Variants in GART observed in about 807,000 individuals in gnomAD.
GART encodes the protein phosphoribosylglycinamide formyltransferase, phosphoribosylglycinamide synthetase, phosphoribosylaminoimidazole synthetase.
Under a neutral mutation model 107.2 loss-of-function variants are expected in GART, and 43 were observed. The ratio of observed to expected loss-of-function variants is 0.40; its 90% CI spans 0.31 to 0.52. GART has a LOEUF of 0.52. Among genes scored for constraint, GART ranks in the 20% least tolerant of loss-of-function variants. The pLI, the probability that GART is intolerant of heterozygous loss-of-function variation, is 0.52. For synonymous variants in GART, 434 were observed against 427.0 expected, an observed-to-expected ratio of 1.02 and a Z score of -0.20; for missense variants, 1,107 against 1,206.5, an observed-to-expected ratio of 0.92 and a Z score of 1.22.
intron 2 of GART, among the ~76,000 whole-genome samples, chr21:33,535,639 G>C (rs988864270): frequency 2.0e-5 from 3 of 152,086 alleles, no homozygotes; most frequent in African/African-American, 2.4e-5. Flanking sequence ...AACAAAAAAC[G>C]TAAGATATAC....
intron 7 of GART, among the ~76,000 whole-genome samples, chr21:33,530,400 C>T (rs549267816): frequency 2.6e-5 from 4 of 151,778 alleles, no homozygotes; most frequent in Admixed American, 6.6e-5. Context: ...ATTCATATCA[C>T]ACACACACAC....
intron 18 of GART, among the ~76,000 whole-genome samples, chr21:33,507,463 A>C (rs2084701755): frequency 6.6e-6 from 1 of 152,210 alleles, no homozygotes; most frequent in Non-Finnish European, 1.5e-5. Flanking sequence ...GAATGAACAA[A>C]ATCTAGTGTT....
At position 33,525,077 on chromosome 21, in the gene GART, CAA is replaced by C. The variant is rs1394667943; in HGVS notation, c.1067-79_1067-78del. On this transcript the variant is annotated intron_variant, in intron 10 of 21. Coordinates refer to ENST00000381815, the MANE Select transcript of GART (RefSeq NM_000819.5). The stretch of plus-strand genomic sequence containing the variant: ...ACCGTGAAGTGATTTACGATTTCCA[CAA>C]GTTTCTTTTTTTTTTTTTTTAACTT... 4 of 1,462,412 alleles carry C rather than the reference CAA, an allele frequency of 2.7e-6. No individual in the cohort carries two copies. The African/African-American group carries it at 5.7e-5, about 21-fold the overall frequency. The allele number at this position is 1,462,412 out of a possible 1,614,324, so 90.6% of individuals were successfully genotyped here.
Position 33,528,177 on chromosome 21 carries a change from T to C in GART, c.1056A>G (p.Val352=), listed in dbSNP as rs1443772487. 2.5e-6 allele frequency: 4 copies of C among 1,612,376 alleles called. No homozygotes were observed. Among genetic ancestry groups the C allele is most frequent in the Non-Finnish European group, 3.4e-6 (4 of 1,179,012 alleles). The stretch of plus-strand genomic sequence containing the variant: ...CTCCCTGACACTCACCTGTTATCTC[T>C]ACACCCTTGGTGTAGTCTCCAGGAT... ...KGYPGDYTKG[V]EITGFPEAQA... Residue 352 remains valine, a synonymous_variant, in exon 10 of 22, where the codon GTA becomes GTG. Transcript: ENST00000381815.
intron 14 of GART, chr21:33,518,992 C>A: frequency 3.2e-6 from 1 of 316,324 alleles, no homozygotes; most frequent in East Asian, 8.2e-5. Context: ...CCTTCAATAC[C>A]AGAGATATTG....
At chr21:33,530,090 G>A (rs184905819) in intron 7 of GART, among the ~76,000 whole-genome samples, 6 of 152,298 alleles carry the variant, frequency 3.9e-5, no homozygotes, top group Middle Eastern at 3.4e-3. Context: ...TACTTGTGAG[G>A]CTGAGGCAGG....
rs551396189 is a variant in GART at position 33,525,075 on chromosome 21, C to T, written c.1067-75G>A. 3.4e-6 allele frequency: 5 copies of T among 1,479,594 alleles called. No individual in the cohort carries two copies. In the African/African-American group the frequency reaches 7.1e-5, roughly 21 times the overall value. The allele number at this position is 1,479,594 out of a possible 1,614,324, so 91.7% of individuals were successfully genotyped here. A position where few individuals can be genotyped will look rare whatever the true frequency, so the allele number is the denominator to read the frequency against. On this transcript the variant is annotated intron_variant, in intron 10 of 21. Coordinates refer to ENST00000381815, the MANE Select transcript of GART (RefSeq NM_000819.5). Reference sequence around the variant, plus strand: ...ACACCGTGAAGTGATTTACGATTTCCACAAGTTTCTTTTTTTTTTTTTTTA... The same window carrying T: ...ACACCGTGAAGTGATTTACGATTTCTACAAGTTTCTTTTTTTTTTTTTTTA...
Position 33,504,069 on chromosome 21 carries a change from ATGC to A in GART, c.*52_*54del. On this transcript the variant is annotated 3_prime_UTR_variant, in exon 22 of 22. Coordinates refer to ENST00000381815, the MANE Select transcript of GART (RefSeq NM_000819.5). Reference sequence around the variant, plus strand: ...GCCAAGTCCATGATAAAAAACCACCATGCAAACAGCAAATAATTCTTTCTAAAC... The same window carrying A: ...GCCAAGTCCATGATAAAAAACCACCAAAACAGCAAATAATTCTTTCTAAAC... 2 of 1,500,252 alleles carry A rather than the reference ATGC, an allele frequency of 1.3e-6. No individual in the cohort carries two copies. The highest frequency in any genetic ancestry group is 9.0e-7 in the Non-Finnish European group (1 of 1,114,148). 92.9% of individuals were successfully genotyped at this position (1,500,252 alleles called of 1,614,324 possible).
chr21:33,504,125 C>T lies in GART; in HGVS notation c.3032G>A (p.Ter1011=), dbSNP rs2084638024. The stretch of plus-strand genomic sequence containing the variant: ...GCCCCATTTCTGAATTAAAAGGCTT[C>T]ATTCCTCTTTAACCCAACAGATCTT... ...NGKICWVKEE[*] Residue 1011 remains the stop codon, a stop_retained_variant, in exon 22 of 22, where the codon TGA becomes TAA. Coordinates refer to ENST00000381815, the MANE Select transcript of GART (RefSeq NM_000819.5). 1.2e-6 allele frequency: 2 copies of T among 1,602,400 alleles called. No homozygotes were observed. The highest frequency in any genetic ancestry group is 8.5e-7 in the Non-Finnish European group (1 of 1,173,224).
At chr21:33,540,613 G>C (rs1179811159) in intron 1 of GART, among the ~76,000 whole-genome samples, 3 of 152,170 alleles carry the variant, frequency 2.0e-5, no homozygotes, top group African/African-American at 7.2e-5. Context: ...TAACCTAGGA[G>C]ATTAACTGAA....
chr21:33,524,968 C>T lies in GART; in HGVS notation c.1099G>A (p.Val367Met), dbSNP rs762938400. 5.6e-6 allele frequency: 9 copies of T among 1,614,190 alleles called. No homozygotes were observed. Among genetic ancestry groups the T allele is most frequent in the Middle Eastern group, 3.3e-4 (2 of 6,062 alleles). Residue 367 changes from valine (V) to methionine (M), a missense_variant, in exon 11 of 22, where the codon GTG becomes ATG. Coordinates refer to ENST00000381815, the MANE Select transcript of GART (RefSeq NM_000819.5). ...TTGAGGGCAGTGCCTGCATGGAACA[C>T]CTCCAGTCCTAGAGCTTGAGCCTCA... is the stretch of plus-strand genomic sequence containing the variant. ...FPEAQALGLE[V>M]FHAGTALKNG...
rs540329147 is a variant in GART at position 33,525,003 on chromosome 21, A to G, written c.1067-3T>C. On this transcript the variant is annotated splice_polypyrimidine_tract_variant and splice_region_variant and intron_variant, in intron 10 of 21. Transcript: ENST00000381815. Reference sequence around the variant, plus strand: ...TAGAGCTTGAGCCTCAGGAAACCCTAGAAGAGAGCATATTTGACATATGAT... The same window carrying G: ...TAGAGCTTGAGCCTCAGGAAACCCTGGAAGAGAGCATATTTGACATATGAT... 362 of 1,612,530 alleles carry G rather than the reference A, an allele frequency of 2.2e-4. 3 individuals are homozygous for G. The South Asian group carries it at 3.8e-3, about 17-fold the overall frequency.
At chr21:33,527,416 G>T (rs576549108) in intron 10 of GART, among the ~76,000 whole-genome samples, 16 of 152,264 alleles carry the variant, frequency 1.1e-4, no homozygotes, top group Admixed American at 2.6e-4. Flanking sequence ...TACTTGGGAG[G>T]CTGAGTCAGA....
At chr21:33,521,098 C>A (rs539025274) in intron 12 of GART, 83 bp from the exon 13 acceptor site, 31 of 1,137,038 alleles carry the variant, frequency 2.7e-5, no homozygotes, top group East Asian at 2.2e-4. Flanking sequence ...TTTAAAAAAA[C>A]CAGTATATTT....
chr21:33,539,582 AC>A (rs2085371133), intron 1 of GART, among the ~76,000 whole-genome samples: 1 of 151,526 alleles, frequency 6.6e-6, no homozygotes, highest in Non-Finnish European at 1.5e-5. Context: ...AATCCCAGGT[AC>A]TCAGGAGGCC....
At chr21:33,517,273 A>G (rs1569017538) in intron 15 of GART, 84 bp downstream of exon 15, 2 of 1,577,562 alleles carry the variant, frequency 1.3e-6, no homozygotes, top group Non-Finnish European at 1.7e-6. Flanking sequence ...ATTCCCTTTT[A>G]GCTCTAAGTA....
Position 33,504,306 on chromosome 21 carries a change from C to T in GART, c.2851G>A (p.Asp951Asn). The T allele has an allele frequency of 6.2e-7, 1 of 1,613,340 alleles. No homozygotes were observed. The highest frequency in any genetic ancestry group is 8.5e-7 in the Non-Finnish European group (1 of 1,179,364). Residue 951 changes from aspartate to asparagine, a missense_variant, in exon 22 of 22, where the codon GAT (aspartate) becomes AAT (asparagine). Physicochemically the swap from Asp to Asn is conservative, Grantham distance 23 (BLOSUM62 1). Transcript: ENST00000381815. ...TCTTGCAAAATAATCTGTCCAGCAT[C>T]CACATCTTCCTGGAAAAGTAAGCAA... Reference protein sequence around the residue: ...CTVHFVAEDVDAGQIILQEAV... With the variant: ...CTVHFVAEDVNAGQIILQEAV...
In GART at chr21:33,516,887, C is replaced by T. The variant is rs771087638; in HGVS notation, c.2107+102G>A. On this transcript the variant is annotated intron_variant, in intron 16 of 21. Transcript: ENST00000381815. ...AAAACCCCCAATGATTAAGAATTTTCCATGTGTAATCATGTGTACATTAAC... is the reference window on the plus strand; with the variant it reads ...AAAACCCCCAATGATTAAGAATTTTTCATGTGTAATCATGTGTACATTAAC... 3.0e-6 allele frequency: 3 copies of T among 999,966 alleles called. No individual in the cohort carries two copies. In the Middle Eastern group the frequency reaches 9.2e-4, roughly 307 times the overall value. The allele number at this position is 999,966 out of a possible 1,614,324, so 61.9% of individuals were successfully genotyped here.
Position 33,522,262 on chromosome 21 carries a change from G to C in GART, c.1319C>G (p.Ser440Cys). ...ATTTCCAGCTGCGATATCTACTCCA[G>C]ATTCCTTGTAAGTCAAACTCCTAAA... ...QQPRSLTYKESGVDIAAGNML... is the reference protein window; with the variant it reads ...QQPRSLTYKECGVDIAAGNML... The change falls in exon 12 of 22, where the codon TCT (serine) becomes TGT (cysteine). Residue 440 changes from serine (S) to cysteine (C), a missense_variant. Transcript: ENST00000381815. 1 of 1,613,514 alleles carries C rather than the reference G, an allele frequency of 6.2e-7. No individual in the cohort carries two copies. Among genetic ancestry groups the C allele is most frequent in the Non-Finnish European group, 8.5e-7 (1 of 1,179,568 alleles).
Sources: allele counts gnomAD v4.1 joint callset (sites outside exome capture counted in the v4.1 genomes callset), GRCh38; gene constraint gnomAD v4.1.1; transcripts MANE v1.5; gene names NCBI Gene and HGNC (gene_info 2026-07-23, HGNC 2026-07-21).